The following FGF13 variants were observed in gnomAD, a reference collection of about 807,000 sequenced individuals.
The protein encoded by FGF13 is fibroblast growth factor 13.
In FGF13, 2 loss-of-function variants were observed where a neutral mutation model predicts 19.5. The ratio of observed to expected loss-of-function variants is 0.10; its 90% confidence interval spans 0.04 to 0.32. FGF13 has a LOEUF of 0.32. Among genes scored for constraint, FGF13 ranks in the 10% least tolerant of loss-of-function variants. The pLI is 1.00. For missense variants in FGF13, 113 were observed against 192.7 expected (o/e 0.59, Z 2.45); for synonymous variants, 72 against 76.9 (o/e 0.94, Z 0.33).
At chrX:138,639,325 T>C (rs2089222707) in intron 3 of FGF13, among the ~76,000 whole-genome samples, 1 of 111,985 alleles carries the variant, frequency 8.9e-6, no homozygotes, top group Non-Finnish European at 1.9e-5. Flanking sequence ...GAAGGTACCA[T>C]AGCGCTCTTG....
At chrX:139,156,995 C>A (rs1373035540) in intron 1 of FGF13, among the ~76,000 whole-genome samples, 1 of 111,586 alleles carries the variant, frequency 9.0e-6, no homozygotes, top group Non-Finnish European at 1.9e-5. Context: ...CACACTATTC[C>A]AGGAACCATT....
chrX:138,938,021 G>T (rs2124269136), intron 1 of FGF13, among the ~76,000 whole-genome samples: 1 of 111,821 alleles, frequency 8.9e-6, no homozygotes, highest in Non-Finnish European at 1.9e-5. Context: ...GCCAATTAAA[G>T]AGACTGAGAA....
In FGF13 at chrX:138,798,914, C is replaced by G. The variant is rs1239818219; in HGVS notation, c.217+58598G>C. On this transcript the variant is annotated intron_variant, in intron 3 of 6. Coordinates refer to the FGF13 transcript ENST00000436198. Reference sequence around the variant, plus strand: ...TTTCTGTGGGGTCAGTTGTGATATCCTCTTTATAATTTTTTTGTGTTTATT... The same window carrying G: ...TTTCTGTGGGGTCAGTTGTGATATCGTCTTTATAATTTTTTTGTGTTTATT... Among the ~76,000 whole-genome samples, 4 of 111,308 alleles carry G rather than the reference C, an allele frequency of 3.6e-5. No homozygotes were observed. The Admixed American group carries it at 3.8e-4, about 11-fold the overall frequency.
At chrX:139,182,867 T>A (rs1423703092) in intron 1 of FGF13, among the ~76,000 whole-genome samples, 2 of 111,856 alleles carry the variant, frequency 1.8e-5, no homozygotes, top group African/African-American at 6.5e-5. Context: ...ACATATCATG[T>A]CTTTTTTATA....
intron 3 of FGF13, among the ~76,000 whole-genome samples, chrX:138,801,712 C>T (rs1332302525): frequency 3.6e-5 from 4 of 112,081 alleles, no homozygotes. Context: ...TGCTCTTTCC[C>T]AGGGAGATGG....
At chrX:138,911,775 T>C (rs753781426) in intron 1 of FGF13, among the ~76,000 whole-genome samples, 68 of 111,994 alleles carry the variant, frequency 6.1e-4, no homozygotes, top group African/African-American at 2.0e-3. Context: ...CCCAAAACTT[T>C]GCAACCATCT....
intron 1 of FGF13, among the ~76,000 whole-genome samples, chrX:138,949,107 A>G (rs1349127369): frequency 8.9e-6 from 1 of 111,845 alleles, no homozygotes; most frequent in Non-Finnish European, 1.9e-5. Context: ...GCATTGCTAC[A>G]GAGGTGAAGA....
At position 138,679,565 on chromosome X, in the gene FGF13, C is replaced by T. The variant is rs185014383; in HGVS notation, c.402+23419G>A. The stretch of plus-strand genomic sequence containing the variant: ...GTGTGTCACATGAATTTTGCTTTCC[C>T]AGTGCATTTAAAAAGTAGGCTTACA... On this transcript the variant is annotated intron_variant, in intron 3 of 4. Transcript: ENST00000315930. Among the ~76,000 whole-genome samples the T allele has an allele frequency of 5.4e-4, 61 of 112,083 alleles. 1 individual carries two copies. The East Asian group carries it at 0.017, about 31-fold the overall frequency.
At chrX:139,201,404 G>T (rs1251115292) in intron 1 of FGF13, among the ~76,000 whole-genome samples, 1 of 111,803 alleles carries the variant, frequency 8.9e-6, no homozygotes, top group Non-Finnish European at 1.9e-5. Flanking sequence ...ACTGATGGGG[G>T]TGGGAGGCTG....
intron 3 of FGF13, among the ~76,000 whole-genome samples, chrX:138,657,430 T>C (rs2089448746): frequency 8.9e-6 from 1 of 112,102 alleles, no homozygotes; most frequent in Admixed American, 9.5e-5. Context: ...ACTGACTTCC[T>C]ATAGACACAA....
intron 3 of FGF13, among the ~76,000 whole-genome samples, chrX:138,663,685 T>C (rs1435631028): frequency 8.9e-6 from 1 of 111,837 alleles, no homozygotes; most frequent in Non-Finnish European, 1.9e-5. Context: ...AATGGAGTTG[T>C]GGTTGTGGAT....
In FGF13 at chrX:138,968,085, C is replaced by A. The variant is rs2091901989; in HGVS notation, c.-112-103435G>T. On this transcript the variant is annotated intron_variant, in intron 1 of 2. Transcript: ENST00000421460. The stretch of plus-strand genomic sequence containing the variant: ...CTGCTCTTTCTATTTCACCTTGATG[C>A]CCCTCAGGAACATGATTAAAATAAC... Among the ~76,000 whole-genome samples the A allele has an allele frequency of 2.7e-5, 3 of 111,498 alleles. No individual in the cohort carries two copies. The South Asian group carries it at 1.2e-3, about 43-fold the overall frequency.
intron 1 of FGF13, among the ~76,000 whole-genome samples, chrX:138,996,582 T>A (rs1377417560): frequency 8.9e-6 from 1 of 112,688 alleles, no homozygotes; most frequent in Admixed American, 9.3e-5. Context: ...AAGTTCAAAC[T>A]GGGTGGAGCC....
intron 1 of FGF13, among the ~76,000 whole-genome samples, chrX:138,867,713 G>A (rs1198859993): frequency 9.0e-6 from 1 of 111,182 alleles, no homozygotes; most frequent in Non-Finnish European, 1.9e-5. Flanking sequence ...CAATATGTGG[G>A]AATTATGGGA....
chrX:138,744,336 A>G (rs890142036), upstream of FGF13, among the ~76,000 whole-genome samples: 3 of 111,797 alleles, frequency 2.7e-5, no homozygotes, highest in South Asian at 3.8e-4. Flanking sequence ...AGGCATAGGT[A>G]AAGACTATTA....
intron 1 of FGF13, among the ~76,000 whole-genome samples, chrX:138,723,453 A>C (rs2090161842): frequency 9.0e-6 from 1 of 111,405 alleles, no homozygotes; most frequent in Admixed American, 9.6e-5. Flanking sequence ...GATTTATATC[A>C]ATGCCATGAG....
chrX:138,917,141 C>G (rs1304889391), intron 1 of FGF13, among the ~76,000 whole-genome samples: 1 of 111,899 alleles, frequency 8.9e-6, no homozygotes, highest in African/African-American at 3.2e-5. Context: ...TGGCCTAACA[C>G]TTAGGAAAAT....
At chrX:139,136,461 A>T (rs1359725827) in intron 1 of FGF13, among the ~76,000 whole-genome samples, 1 of 107,025 alleles carries the variant, frequency 9.3e-6, no homozygotes, top group Non-Finnish European at 1.9e-5. Context: ...TTAAATCTGT[A>T]TCAATGTGTT....
intron 3 of FGF13, among the ~76,000 whole-genome samples, chrX:138,753,677 C>A (rs2090412746): frequency 8.9e-6 from 1 of 111,749 alleles, no homozygotes; most frequent in South Asian, 3.8e-4. Context: ...TATGAAATGC[C>A]TCAAGTTAAG....
Sources: allele counts gnomAD v4.1 joint callset (sites outside exome capture counted in the v4.1 genomes callset), GRCh38; gene constraint gnomAD v4.1.1; transcripts MANE v1.5; gene names NCBI Gene and HGNC (gene_info 2026-07-23, HGNC 2026-07-21).